The following MEGF11 variants were observed in gnomAD, a reference collection of about 807,000 sequenced individuals.
The protein encoded by MEGF11 is multiple EGF like domains 11, also known as multiple epidermal growth factor-like domains protein 11.
Under a neutral mutation model 146.6 loss-of-function variants are expected in MEGF11, and 126 were observed. That is an observed-to-expected ratio of 0.86 (90% CI 0.74 to 1.00). The LOEUF (loss-of-function observed/expected upper bound fraction) is 1.00. Among genes scored for constraint, MEGF11 ranks in the 50% least tolerant of loss-of-function variants. The pLI is 0.00. For synonymous variants in MEGF11, 532 were observed against 583.4 expected (o/e 0.91, Z 1.27); for missense variants, 1,509 against 1,521.2 (o/e 0.99, Z 0.13).
At chr15:66,159,812 G>C (rs2089887905) in intron 1 of MEGF11, among the ~76,000 whole-genome samples, 1 of 152,052 alleles carries the variant, frequency 6.6e-6, no homozygotes, top group Non-Finnish European at 1.5e-5. Context: ...TCACACCTGG[G>C]CTGGATTCTC....
chr15:66,147,518 C>T (rs2089417987), intron 1 of MEGF11, among the ~76,000 whole-genome samples: 1 of 152,214 alleles, frequency 6.6e-6, no homozygotes, highest in Non-Finnish European at 1.5e-5. Flanking sequence ...GCCACGGTTG[C>T]TGGGAGGGAA....
intron 1 of MEGF11, among the ~76,000 whole-genome samples, chr15:66,217,281 A>G (rs2091608626): frequency 6.6e-6 from 1 of 152,184 alleles, no homozygotes; most frequent in African/African-American, 2.4e-5. Flanking sequence ...AGAGAGGGAA[A>G]ATGGCTAAGA....
At chr15:66,243,654 T>C (rs944455708) in intron 1 of MEGF11, among the ~76,000 whole-genome samples, 1 of 152,188 alleles carries the variant, frequency 6.6e-6, no homozygotes, top group Non-Finnish European at 1.5e-5. Context: ...TTTATTTGCA[T>C]ATGTAGATTG....
chr15:66,150,858 G>C (rs1158151386), intron 1 of MEGF11, among the ~76,000 whole-genome samples: 1 of 138,516 alleles, frequency 7.2e-6, no homozygotes, highest in Non-Finnish European at 1.6e-5. Context: ...GAGAGAGAGA[G>C]AGAGAGAGAG....
intron 10 of MEGF11, among the ~76,000 whole-genome samples, chr15:65,938,217 T>C (rs1398629050): frequency 1.3e-5 from 2 of 152,244 alleles, no homozygotes; most frequent in Non-Finnish European, 2.9e-5. Flanking sequence ...CTGCCTTGTT[T>C]TATAGGTGAG....
At chr15:66,047,027 T>C (rs1033451168) in intron 5 of MEGF11, among the ~76,000 whole-genome samples, 3 of 152,156 alleles carry the variant, frequency 2.0e-5, no homozygotes, top group Non-Finnish European at 4.4e-5. Flanking sequence ...TTTCAGCACA[T>C]CCCATGAAGT....
rs138267008 is a variant in MEGF11 at position 66,123,919 on chromosome 15, C to T, written c.180G>A (p.Trp60Ter). Residue 60 changes from tryptophan to a stop codon, truncating the protein, a stop_gained, in exon 3 of 26, where the codon TGG becomes TGA. Transcript: ENST00000395614. LOFTEE classifies it high-confidence loss of function. ...YYTRCTDILN[W>*]FKCTRHRISY... The stretch of plus-strand genomic sequence containing the variant: ...CTCACCGGTGCCTGGTGCACTTGAA[C>T]CAGTTGAGGATGTCTGTGCATCGTG... The T allele has an allele frequency of 2.0e-5, 32 of 1,613,816 alleles. No individual in the cohort carries two copies. The Admixed American group carries it at 4.8e-4, about 24-fold the overall frequency.
At chr15:66,246,595 G>T (rs532416162) in intron 1 of MEGF11, among the ~76,000 whole-genome samples, 1 of 151,898 alleles carries the variant, frequency 6.6e-6, no homozygotes, top group Non-Finnish European at 1.5e-5. Flanking sequence ...TTGAGCCCAG[G>T]AGTTCAGGAC....
chr15:66,040,934 G>A (rs759184545), intron 5 of MEGF11, among the ~76,000 whole-genome samples: 4 of 146,830 alleles, frequency 2.7e-5, no homozygotes, highest in South Asian at 2.2e-4. Context: ...TTTCCCCCCC[G>A]GTTTTCACAA....
intron 10 of MEGF11, among the ~76,000 whole-genome samples, chr15:65,950,482 G>A (rs1252807281): frequency 6.6e-6 from 1 of 152,032 alleles, no homozygotes; most frequent in Non-Finnish European, 1.5e-5. Flanking sequence ...GGAGGTTGAG[G>A]TGGGAGGATC....
At chr15:65,955,766 A>ATC (rs2080579721) in intron 10 of MEGF11, among the ~76,000 whole-genome samples, 1 of 11,528 alleles carries the variant, frequency 8.7e-5, no homozygotes, top group Admixed American at 1.4e-3. Flanking sequence ...AAAAAAATAT[A>ATC]TATATATATA....
At chr15:66,117,338 G>A (rs1158850559) in intron 4 of MEGF11, among the ~76,000 whole-genome samples, 3 of 151,972 alleles carry the variant, frequency 2.0e-5, no homozygotes, top group Non-Finnish European at 4.4e-5. Flanking sequence ...TGATTTCCTG[G>A]TGGACCGTCC....
At chr15:65,915,662 T>C (rs576475298) in intron 18 of MEGF11, 64 bp from the exon 19 acceptor site, 2 of 1,580,554 alleles carry the variant, frequency 1.3e-6, no homozygotes, top group Non-Finnish European at 1.7e-6. Context: ...CTTCCATGTT[T>C]AGACAGCTAT....
intron 25 of MEGF11, 151 bp from the exon 26 acceptor site, chr15:65,898,245 A>G (rs1208403234): frequency 3.0e-6 from 3 of 985,322 alleles, no homozygotes; most frequent in Admixed American, 6.1e-5. Context: ...AGGCTTGCTC[A>G]GGAGATGGAA....
intron 5 of MEGF11, among the ~76,000 whole-genome samples, chr15:66,063,486 T>G (rs1453293681): frequency 6.6e-6 from 1 of 152,168 alleles, no homozygotes; most frequent in Non-Finnish European, 1.5e-5. Context: ...CCTGGGGAAG[T>G]GATACAGCCT....
intron 5 of MEGF11, among the ~76,000 whole-genome samples, chr15:66,020,653 C>T (rs1219118432): frequency 6.6e-6 from 1 of 152,166 alleles, no homozygotes; most frequent in Middle Eastern, 3.2e-3. Flanking sequence ...GGTGAGACTT[C>T]CTGCTGGCTG....
Position 65,912,102 on chromosome 15 carries a change from C to G in MEGF11, c.2809G>C (p.Asp937His), listed in dbSNP as rs1464691687. The change falls in exon 21 of 26, where the codon GAC becomes CAC. Residue 937 changes from aspartate (D) to histidine (H), a missense_variant. By Grantham distance (81) the Asp-to-His change is moderately conservative (BLOSUM62 -1). Transcript: ENST00000395614. ...GGTACCTTGGTGGGGCTGTTCCTGT[C>G]CAGAGTGCTGGCCTGGCTGGTGGCA... ...GPATSQASTLDRNSPTKLSNK... is the reference protein window; with the variant it reads ...GPATSQASTLHRNSPTKLSNK... 1.6e-6 allele frequency: 2 copies of G among 1,232,120 alleles called. No homozygotes were observed. The highest frequency in any genetic ancestry group is 3.2e-5 in the East Asian group (1 of 31,704). The allele number at this position is 1,232,120 out of a possible 1,614,324, so 76.3% of individuals were successfully genotyped here. A position where few individuals can be genotyped will look rare whatever the true frequency, so the allele number is the denominator to read the frequency against.
chr15:65,922,774 A>G (rs778556638), intron 14 of MEGF11, 49 bp downstream of exon 14: 73 of 1,602,972 alleles, frequency 4.6e-5, no homozygotes, highest in Non-Finnish European at 6.2e-5. Context: ...GGAGAGGGCT[A>G]GGGAGGATTA....
At chr15:66,143,344 G>A (rs1036848354) in intron 1 of MEGF11, among the ~76,000 whole-genome samples, 3 of 152,192 alleles carry the variant, frequency 2.0e-5, no homozygotes, top group African/African-American at 7.2e-5. Flanking sequence ...GGCTAGGCCA[G>A]GCCGAGGCAG....
Sources: allele counts gnomAD v4.1 joint callset (sites outside exome capture counted in the v4.1 genomes callset), GRCh38; gene constraint gnomAD v4.1.1; transcripts MANE v1.5; gene names NCBI Gene and HGNC (gene_info 2026-07-23, HGNC 2026-07-21).